The following CAMK2D variants were observed in gnomAD, a reference collection of about 807,000 sequenced individuals.
CAMK2D encodes the protein calcium/calmodulin-dependent protein kinase type II subunit delta.
A neutral mutation model predicts 84.0 loss-of-function variants in CAMK2D; 37 were observed. The observed-to-expected ratio is 0.44, with a 90% CI of 0.34 to 0.58. The LOEUF (loss-of-function observed/expected upper bound fraction) is 0.58. Among genes scored for constraint, CAMK2D ranks in the 20% least tolerant of loss-of-function variants. The pLI is 0.02. For synonymous variants in CAMK2D, 202 were observed against 212.5 expected (o/e 0.95, Z 0.43); for missense variants, 448 against 652.5 (o/e 0.69, Z 3.41).
At chr4:113,518,167 C>CA (rs889179929) in intron 8 of CAMK2D, among the ~76,000 whole-genome samples, 6 of 152,102 alleles carry the variant, frequency 3.9e-5, no homozygotes, top group Admixed American at 2.6e-4. Context: ...CCCATAGAGA[C>CA]AAAACCCTTT....
chr4:113,657,242 C>CCGGT (rs1386729983), intron 3 of CAMK2D, among the ~76,000 whole-genome samples: 3 of 152,116 alleles, frequency 2.0e-5, no homozygotes, highest in Admixed American at 6.6e-5. Context: ...TAGTAGCCAC[C>CCGGT]CGGTCCCCTG....
At chr4:113,588,258 A>C (rs1358988061) in intron 4 of CAMK2D, among the ~76,000 whole-genome samples, 1 of 152,204 alleles carries the variant, frequency 6.6e-6, no homozygotes, top group Non-Finnish European at 1.5e-5. Flanking sequence ...TGAATATCCT[A>C]CTTTACTTGC....
At chr4:113,754,982 A>G (rs1332960892) in intron 2 of CAMK2D, 1 of 984,670 alleles carries the variant, frequency 1.0e-6, no homozygotes, top group Non-Finnish European at 1.2e-6. Context: ...CAATTTGCCA[A>G]ATCAATAATG....
At chr4:113,717,124 T>C (rs550287203) in intron 2 of CAMK2D, among the ~76,000 whole-genome samples, 6 of 152,306 alleles carry the variant, frequency 3.9e-5, no homozygotes, top group African/African-American at 1.2e-4. Flanking sequence ...GGATATGTTT[T>C]TTCTGTCCCT....
intron 2 of CAMK2D, among the ~76,000 whole-genome samples, chr4:113,722,701 T>C (rs900559651): frequency 1.3e-5 from 2 of 152,152 alleles, no homozygotes; most frequent in African/African-American, 4.8e-5. Flanking sequence ...AAACAAGATG[T>C]ACGGTCATGC....
chr4:113,490,384 AT>A (rs2097821295), intron 16 of CAMK2D, among the ~76,000 whole-genome samples: 1 of 131,140 alleles, frequency 7.6e-6, no homozygotes, highest in African/African-American at 3.3e-5. Context: ...TCCCAGCACC[AT>A]TTATTCAATA....
At chr4:113,751,278 A>T (rs956848128) in intron 2 of CAMK2D, among the ~76,000 whole-genome samples, 8 of 152,192 alleles carry the variant, frequency 5.3e-5, no homozygotes, top group African/African-American at 1.9e-4. Context: ...GCCTCAAAAA[A>T]ATGCAAAAGT....
intron 16 of CAMK2D, among the ~76,000 whole-genome samples, chr4:113,486,931 T>C (rs79090757): frequency 0.055 from 8,301 of 152,286 alleles, 301 homozygotes; most frequent in Non-Finnish European, 0.081. Context: ...CATTATCTTG[T>C]AGAATCATCT....
intron 4 of CAMK2D, among the ~76,000 whole-genome samples, chr4:113,588,462 G>A (rs973564790): frequency 6.6e-6 from 1 of 152,088 alleles, no homozygotes; most frequent in African/African-American, 2.4e-5. Context: ...TTCTTAAAAC[G>A]TATCATGATG....
At chr4:113,708,185 T>C (rs1449013594) in intron 2 of CAMK2D, among the ~76,000 whole-genome samples, 1 of 152,166 alleles carries the variant, frequency 6.6e-6, no homozygotes, top group Non-Finnish European at 1.5e-5. Flanking sequence ...ACCATATTTC[T>C]ATATTATAGG....
rs577751568 is a variant in CAMK2D, at chr4:113,513,128, G to A, written c.946+200C>T. 54 of 979,538 alleles carry A rather than the reference G, an allele frequency of 5.5e-5. 2 individuals are homozygous for A. In the South Asian group the frequency reaches 1.7e-3, roughly 32 times the overall value. 60.7% of individuals were successfully genotyped at this position (979,538 alleles called of 1,614,324 possible). ...GCAGTCTTGTGAGGGGTTCAGTCAC[G>A]GAGGCTCGGCAGCAGACAGCACCCA... On this transcript the variant is annotated intron_variant, in intron 12 of 20. Transcript: ENST00000511664.
chr4:113,702,666 T>C (rs982157832), intron 2 of CAMK2D, among the ~76,000 whole-genome samples: 1 of 152,176 alleles, frequency 6.6e-6, no homozygotes, highest in African/African-American at 2.4e-5. Flanking sequence ...CCCAGCACTT[T>C]GGAAGGCTGA....
At chr4:113,589,934 T>C (rs1295909020) in intron 4 of CAMK2D, among the ~76,000 whole-genome samples, 1 of 152,108 alleles carries the variant, frequency 6.6e-6, no homozygotes, top group Non-Finnish European at 1.5e-5. Flanking sequence ...GCAAAGAAGA[T>C]ACAAAAGGGT....
At chr4:113,657,787 C>A (rs1426271483) in intron 3 of CAMK2D, among the ~76,000 whole-genome samples, 1 of 152,076 alleles carries the variant, frequency 6.6e-6, no homozygotes, top group Non-Finnish European at 1.5e-5. Context: ...GAGAAAGACA[C>A]ATTCAAATAT....
intron 2 of CAMK2D, among the ~76,000 whole-genome samples, chr4:113,666,372 C>T (rs1256069348): frequency 6.6e-6 from 1 of 152,118 alleles, no homozygotes; most frequent in Non-Finnish European, 1.5e-5. Flanking sequence ...AGAATTTCAT[C>T]TTTCTTGACA....
intron 13 of CAMK2D, among the ~76,000 whole-genome samples, chr4:113,505,627 C>T (rs1261754454): frequency 6.6e-6 from 1 of 151,838 alleles, no homozygotes; most frequent in Admixed American, 6.6e-5. Flanking sequence ...GGAAATCAAA[C>T]TTTTTATGTT....
intron 2 of CAMK2D, among the ~76,000 whole-genome samples, chr4:113,688,910 CAAAAAAAAAAAAAA>C (rs34196728): frequency 6.0e-5 from 3 of 49,716 alleles, no homozygotes; most frequent in African/African-American, 7.6e-5. Context: ...AAAGAAGATG[CAAAAAAAAAAAAAA>C]AAAAAAAAAG....
At chr4:113,569,328 T>C (rs1390661604) in intron 4 of CAMK2D, among the ~76,000 whole-genome samples, 2 of 152,222 alleles carry the variant, frequency 1.3e-5, no homozygotes, top group Non-Finnish European at 2.9e-5. Flanking sequence ...GTCATGAAAG[T>C]TTTTCTCCTA....
At chr4:113,740,063 T>C (rs968356709) in intron 2 of CAMK2D, among the ~76,000 whole-genome samples, 1 of 152,192 alleles carries the variant, frequency 6.6e-6, no homozygotes, top group Non-Finnish European at 1.5e-5. Context: ...TTAGTAATAA[T>C]TGAATCCTAT....
Sources: allele counts gnomAD v4.1 joint callset (sites outside exome capture counted in the v4.1 genomes callset), GRCh38; gene constraint gnomAD v4.1.1; transcripts MANE v1.5; gene names NCBI Gene and HGNC (gene_info 2026-07-23, HGNC 2026-07-21).